KLRG1: variants seen among roughly 807,000 people sequenced by gnomAD.
KLRG1 encodes killer cell lectin like receptor G1, also known as killer cell lectin-like receptor subfamily G member 1.
KLRG1 carries 16 observed loss-of-function variants against 21.8 expected under a neutral mutation model. The observed-to-expected ratio is 0.73, with a 90% CI of 0.50 to 1.11. KLRG1 has a LOEUF of 1.11. Among genes scored for constraint, KLRG1 ranks in the 50% most tolerant of loss-of-function variants. The pLI is 0.00. For missense variants in KLRG1, 173 were observed against 218.3 expected, an observed-to-expected ratio of 0.79 and a Z score of 1.31; for synonymous variants, 69 against 75.9, an observed-to-expected ratio of 0.91 and a Z score of 0.47.
At chr12:9,152,406 G>C in the KLRG1 span, 1 of 896,710 alleles carries the variant, frequency 1.1e-6, no homozygotes, top group Non-Finnish European at 1.8e-6. Flanking sequence ...CTGTCTTCAA[G>C]AAGTTGTCCC....
chr12:8,964,141 T>G (rs1220573725), intron 1 of KLRG1, among the ~76,000 whole-genome samples: 1 of 152,230 alleles, frequency 6.6e-6, no homozygotes, highest in Non-Finnish European at 1.5e-5. Context: ...GTGTCAATTT[T>G]AGATCTTTCC....
At chr12:8,977,981 C>G (rs1451532623) in intron 1 of KLRG1, among the ~76,000 whole-genome samples, 1 of 152,172 alleles carries the variant, frequency 6.6e-6, no homozygotes, top group East Asian at 1.9e-4. Context: ...GCCTCAGCCA[C>G]CTGAGTAGCT....
At chr12:9,078,117 G>A in the KLRG1 span, among the ~76,000 whole-genome samples, 1 of 152,040 alleles carries the variant, frequency 6.6e-6, no homozygotes, top group Admixed American at 6.6e-5. Flanking sequence ...GAACGTGCAG[G>A]TTTGTTACAT....
chr12:8,967,586 G>A (rs1384246470), intron 1 of KLRG1, among the ~76,000 whole-genome samples: 2 of 63,088 alleles, frequency 3.2e-5, no homozygotes, highest in African/African-American at 7.2e-5. Flanking sequence ...GCCAGGCGTG[G>A]TGGTGCATGC....
chr12:9,185,208 A>G, the KLRG1 span, among the ~76,000 whole-genome samples: 2 of 152,244 alleles, frequency 1.3e-5, no homozygotes, highest in Non-Finnish European at 2.9e-5. Context: ...AAGCTGACAG[A>G]CAAAATAGCC....
At chr12:8,958,015 T>G (rs987751936) in intron 1 of KLRG1, among the ~76,000 whole-genome samples, 1 of 152,248 alleles carries the variant, frequency 6.6e-6, no homozygotes, top group African/African-American at 2.4e-5. Context: ...GGGTTCTATC[T>G]GTATTTTCTT....
intron 1 of KLRG1, among the ~76,000 whole-genome samples, chr12:8,953,006 C>T (rs1002757743): frequency 3.3e-5 from 5 of 151,446 alleles, no homozygotes; most frequent in African/African-American, 4.9e-5. Flanking sequence ...GGATTTTTCT[C>T]GGTCACTTTG....
At chr12:9,098,592 C>T in the KLRG1 span, 1 of 1,585,136 alleles carries the variant, frequency 6.3e-7, no homozygotes, top group Non-Finnish European at 8.6e-7. Flanking sequence ...ATTCCTGAGG[C>T]TGCCAGGAAC....
the KLRG1 span, among the ~76,000 whole-genome samples, chr12:9,129,163 A>G: frequency 6.6e-6 from 1 of 152,194 alleles, no homozygotes; most frequent in African/African-American, 2.4e-5. Context: ...GGCACTTAAT[A>G]ACAATCGGTA....
chr12:8,960,726 T>G (rs1946367834), intron 1 of KLRG1, among the ~76,000 whole-genome samples: 2 of 152,168 alleles, frequency 1.3e-5, no homozygotes, highest in African/African-American at 4.8e-5. Context: ...AGTGTCTCCT[T>G]CTGGGGCCAA....
the KLRG1 span, among the ~76,000 whole-genome samples, chr12:9,053,340 T>C: frequency 6.6e-6 from 1 of 152,060 alleles, no homozygotes; most frequent in Non-Finnish European, 1.5e-5. Flanking sequence ...TTCACAATAA[T>C]TTGTGAAATT....
the KLRG1 span, among the ~76,000 whole-genome samples, chr12:9,019,903 T>C: frequency 6.6e-6 from 1 of 152,158 alleles, no homozygotes; most frequent in Admixed American, 6.5e-5. Context: ...TTTTACTCAC[T>C]GCATCAGAAA....
At chr12:9,090,664 G>A in the KLRG1 span, 3 of 603,888 alleles carry the variant, frequency 5.0e-6, no homozygotes, top group South Asian at 2.2e-5. Context: ...ATTTACACAG[G>A]TAAATCTGAG....
the KLRG1 span, chr12:9,070,679 G>GT: frequency 6.6e-6 from 5 of 759,054 alleles, no homozygotes; most frequent in Non-Finnish European, 1.1e-5. Context: ...AAAGGTACAC[G>GT]TAAGTCTTCC....
downstream of KLRG1, among the ~76,000 whole-genome samples, chr12:9,015,217 T>G (rs1309923526): frequency 6.6e-6 from 1 of 152,054 alleles, no homozygotes; most frequent in Non-Finnish European, 1.5e-5. Flanking sequence ...ACAGAGTGGC[T>G]GAATGGATAA....
At chr12:9,038,919 A>AT in the KLRG1 span, among the ~76,000 whole-genome samples, 2 of 150,658 alleles carry the variant, frequency 1.3e-5, no homozygotes, top group Admixed American at 6.6e-5. Flanking sequence ...AAAAAAAAAA[A>AT]TTGAAACAAA....
chr12:9,098,729 T>C, the KLRG1 span: 1 of 1,613,052 alleles, frequency 6.2e-7, no homozygotes. Flanking sequence ...GCTGGGAGAC[T>C]TTGTGATGGG....
the KLRG1 span, among the ~76,000 whole-genome samples, chr12:9,196,036 A>G: frequency 5.5e-4 from 84 of 152,276 alleles, no homozygotes; most frequent in Non-Finnish European, 1.0e-3. Context: ...TAGAAATATC[A>G]TTTATTCTAA....
chr12:9,001,716 A>C (rs1487516862), intron 3 of KLRG1, among the ~76,000 whole-genome samples: 7 of 152,104 alleles, frequency 4.6e-5, no homozygotes, highest in Non-Finnish European at 7.3e-5. Context: ...GCTTTATTCT[A>C]TGGTATCCCA....
Sources: allele counts gnomAD v4.1 joint callset (sites outside exome capture counted in the v4.1 genomes callset), GRCh38; gene constraint gnomAD v4.1.1; transcripts MANE v1.5; gene names NCBI Gene and HGNC (gene_info 2026-07-23, HGNC 2026-07-21).